Variants in THSD7B observed in about 807,000 individuals in gnomAD.
THSD7B encodes thrombospondin type-1 domain-containing protein 7B.
THSD7B carries 138 observed loss-of-function variants against 213.6 expected under a neutral mutation model. The ratio of observed to expected loss-of-function variants is 0.65; its 90% CI spans 0.56 to 0.74. The LOEUF (loss-of-function observed/expected upper bound fraction) is 0.74. THSD7B is among the 30% of genes least tolerant of loss of function. The probability of loss-of-function intolerance (pLI) is 0.00; values close to 1 mark genes in which losing one functional copy is unlikely to be tolerated. For synonymous variants in THSD7B, 742 were observed against 687.0 expected (o/e 1.08, Z -1.25); for missense variants, 1,931 against 1,991.5 (o/e 0.97, Z 0.58).
intron 12 of THSD7B, among the ~76,000 whole-genome samples, chr2:137,296,242 T>G (rs1049782530): frequency 2.0e-5 from 3 of 152,198 alleles, no homozygotes; most frequent in Admixed American, 2.0e-4. Context: ...CTTTGTTTTA[T>G]GCTCAACTAG....
At chr2:137,123,781 T>A (rs1183944434) in intron 5 of THSD7B, among the ~76,000 whole-genome samples, 1 of 152,152 alleles carries the variant, frequency 6.6e-6, no homozygotes, top group African/African-American at 2.4e-5. Context: ...TTTTTCTCCC[T>A]CAGTCTCATT....
intron 13 of THSD7B, among the ~76,000 whole-genome samples, chr2:137,407,624 C>A (rs1686557446): frequency 6.6e-6 from 1 of 152,094 alleles, no homozygotes; most frequent in South Asian, 2.1e-4. Context: ...ATGAATGCTG[C>A]TGAAAGTCTT....
At chr2:137,353,337 A>G (rs547537748) in intron 12 of THSD7B, among the ~76,000 whole-genome samples, 13 of 152,224 alleles carry the variant, frequency 8.5e-5, no homozygotes, top group East Asian at 1.9e-4. Context: ...TGGTGCCATT[A>G]GATTCTGAAT....
rs892891971 is a variant in THSD7B at position 137,663,534 on chromosome 2, A to C, written c.4610A>C (p.His1537Pro). ...AACAGACCTGTGAATTCAAAAATAC[A>C]TGATATTTTTAAAGGATGGTCTCTT... ...GKNRPVNSKI[H>P]DIFKGWSLQP... The change falls in exon 26 of 28, where the codon CAT becomes CCT. Residue 1537 changes from histidine (H) to proline (P), a missense_variant. His to Pro is a moderately conservative substitution (Grantham distance 77). Coordinates refer to ENST00000409968, the MANE Select transcript of THSD7B (RefSeq NM_001316349.2). 6.2e-7 allele frequency: 1 copy of C among 1,609,228 alleles called. No individual in the cohort carries two copies. Among genetic ancestry groups the C allele is most frequent in the Non-Finnish European group, 8.5e-7 (1 of 1,177,592 alleles).
chr2:137,378,224 C>A (rs2104959980), intron 12 of THSD7B, among the ~76,000 whole-genome samples: 1 of 152,236 alleles, frequency 6.6e-6, no homozygotes, highest in African/African-American at 2.4e-5. Context: ...CTGACAATGT[C>A]TTAAAGAATA....
chr2:137,115,017 C>A, intron 4 of THSD7B, 107 bp from the exon 5 acceptor site: 1 of 1,230,502 alleles, frequency 8.1e-7, no homozygotes, highest in Non-Finnish European at 1.2e-6. Flanking sequence ...AAAGATTTGG[C>A]CCTAGAAAGA....
intron 14 of THSD7B, among the ~76,000 whole-genome samples, chr2:137,448,406 G>A (rs544286189): frequency 1.3e-5 from 2 of 152,316 alleles, no homozygotes; most frequent in South Asian, 4.1e-4. Flanking sequence ...GGCTCGTGGA[G>A]AAGATGGAGT....
intron 12 of THSD7B, among the ~76,000 whole-genome samples, chr2:137,289,187 G>C (rs1243841474): frequency 6.6e-6 from 1 of 151,832 alleles, no homozygotes; most frequent in African/African-American, 2.4e-5. Flanking sequence ...TAAAGTAAGT[G>C]AGTGGAAATT....
At chr2:137,302,717 T>A (rs754251048) in intron 12 of THSD7B, among the ~76,000 whole-genome samples, 1 of 152,114 alleles carries the variant, frequency 6.6e-6, no homozygotes, top group Non-Finnish European at 1.5e-5. Context: ...AGAGAATGAT[T>A]TCACAAGAGA....
chr2:136,983,365 ACACACG>A (rs1462035674), intron 2 of THSD7B, among the ~76,000 whole-genome samples: 3 of 148,680 alleles, frequency 2.0e-5, no homozygotes, highest in African/African-American at 7.5e-5. Flanking sequence ...ACAGACACAC[ACACACG>A]CACACACACT....
intron 12 of THSD7B, among the ~76,000 whole-genome samples, chr2:137,322,647 C>A (rs1684286729): frequency 6.6e-6 from 1 of 152,180 alleles, no homozygotes; most frequent in Admixed American, 6.6e-5. Context: ...TCATAAATAT[C>A]AGTTGACAGA....
At chr2:137,394,341 A>C (rs1450642070) in intron 12 of THSD7B, among the ~76,000 whole-genome samples, 1 of 128,738 alleles carries the variant, frequency 7.8e-6, no homozygotes, top group East Asian at 2.1e-4. Context: ...TTTTTGTATA[A>C]GGTGTAAGGA....
rs150394950 is a variant in THSD7B, at chr2:137,667,728, A to C, written c.4652-46A>C. 9.3e-3 allele frequency: 13,859 copies of C among 1,493,694 alleles called. 96 individuals carry two copies. The highest frequency in any genetic ancestry group is 0.021 in the South Asian group (1,698 of 82,540). The allele number at this position is 1,493,694 out of a possible 1,614,324, so 92.5% of individuals were successfully genotyped here. A position where few individuals can be genotyped will look rare whatever the true frequency, so the allele number is the denominator to read the frequency against. ...TGTTGCCCTATCTCTCAAATGCTGC[A>C]GACTTCTGTATGCTAAGCTTCTTAT... On this transcript the variant is annotated intron_variant, in intron 26 of 27. Transcript: ENST00000409968.
chr2:136,994,649 C>A (rs576310431), intron 2 of THSD7B, among the ~76,000 whole-genome samples: 2 of 151,942 alleles, frequency 1.3e-5, no homozygotes, highest in Non-Finnish European at 2.9e-5. Flanking sequence ...TTATTTGATC[C>A]CTATAACAAT....
At chr2:137,092,207 G>A (rs1204902417) in intron 3 of THSD7B, among the ~76,000 whole-genome samples, 4 of 152,176 alleles carry the variant, frequency 2.6e-5, no homozygotes, top group Non-Finnish European at 4.4e-5. Flanking sequence ...GAACCCAGGA[G>A]CTCAAGACCA....
At chr2:137,022,794 C>A (rs1406232349) in intron 2 of THSD7B, among the ~76,000 whole-genome samples, 1 of 152,104 alleles carries the variant, frequency 6.6e-6, no homozygotes, top group Non-Finnish European at 1.5e-5. Flanking sequence ...AGCAAACATT[C>A]TGTGGAAGGC....
chr2:137,333,473 C>G (rs1388573979), intron 12 of THSD7B, among the ~76,000 whole-genome samples: 1 of 152,146 alleles, frequency 6.6e-6, no homozygotes, highest in Admixed American at 6.5e-5. Context: ...GTCCTTTCCT[C>G]CCTCAATCCA....
At chr2:136,920,984 C>T (rs1684428087) in intron 2 of THSD7B, among the ~76,000 whole-genome samples, 1 of 152,094 alleles carries the variant, frequency 6.6e-6, no homozygotes, top group South Asian at 2.1e-4. Context: ...GGGTTGGGGG[C>T]TTCCTGGGCC....
chr2:137,592,762 A>G (rs535816574), intron 17 of THSD7B, among the ~76,000 whole-genome samples: 5 of 152,064 alleles, frequency 3.3e-5, no homozygotes, highest in African/African-American at 1.2e-4. Context: ...ATGGGTTGAT[A>G]AATTTTTTTA....
Sources: gnomAD v4.1 joint callset for allele counts (sites outside exome capture counted in the v4.1 genomes callset) on GRCh38, gnomAD v4.1.1 for gene constraint, MANE v1.5 for transcripts, NCBI Gene and HGNC (gene_info 2026-07-23, HGNC 2026-07-21) for gene names.